The following KIF3A variants were observed in gnomAD, a reference collection of about 807,000 sequenced individuals.
KIF3A encodes the protein kinesin-like protein KIF3A.
KIF3A carries 27 observed loss-of-function variants against 92.6 expected under a neutral mutation model. The ratio of observed to expected loss-of-function variants is 0.29; its 90% CI spans 0.21 to 0.40. KIF3A has a LOEUF of 0.40. Ranked by LOEUF, KIF3A falls within the 10% of genes least tolerant of loss-of-function variation. The pLI, the probability that KIF3A is intolerant of heterozygous loss-of-function variation, is 1.00. For missense variants in KIF3A, 581 were observed against 872.6 expected (o/e 0.67, Z 4.21); for synonymous variants, 250 against 275.4 (o/e 0.91, Z 0.92).
chr5:132,694,832 C>T lies in KIF3A; in HGVS notation c.*1802G>A, dbSNP rs971809182. The T allele has an allele frequency of 6.6e-6, 1 of 152,312 alleles. No individual in the cohort carries two copies. The highest frequency in any genetic ancestry group is 2.4e-5 in the African/African-American group (1 of 41,450). The allele number at this position is 152,312 out of a possible 1,614,324, so 9.4% of individuals were successfully genotyped here. On this transcript the variant is annotated 3_prime_UTR_variant, in exon 19 of 19. Coordinates refer to ENST00000403231, the MANE Select transcript of KIF3A (RefSeq NM_001300791.2). ...AAATTTCTAGCTATCTTACATACCA[C>T]AAACAAATGCAGCCAGTGAAATGCA...
chr5:132,694,694 T>C lies in KIF3A; in HGVS notation c.*1940A>G, dbSNP rs1752774424. The stretch of plus-strand genomic sequence containing the variant: ...TACTAACAGAGTTAAATGTGTATCA[T>C]CAAAAACATTTTATAATTACCAAAA... On this transcript the variant is annotated 3_prime_UTR_variant, in exon 19 of 19. Transcript: ENST00000403231. 6.6e-6 allele frequency: 1 copy of C among 152,356 alleles called. No individual in the cohort carries two copies. The highest frequency in any genetic ancestry group is 6.5e-5 in the Admixed American group (1 of 15,276). The allele number at this position is 152,356 out of a possible 1,614,324, so 9.4% of individuals were successfully genotyped here.
At chr5:132,718,380 G>C (rs1315917845) in intron 5 of KIF3A, among the ~76,000 whole-genome samples, 2 of 152,060 alleles carry the variant, frequency 1.3e-5, no homozygotes, top group Non-Finnish European at 2.9e-5. Flanking sequence ...CACAATCTCG[G>C]CTCACTGCAA....
intron 2 of KIF3A, among the ~76,000 whole-genome samples, chr5:132,731,195 C>G (rs1320936619): frequency 6.6e-6 from 1 of 152,144 alleles, no homozygotes; most frequent in Non-Finnish European, 1.5e-5. Flanking sequence ...AGCATTATCA[C>G]AATACCCAAA....
downstream of KIF3A, chr5:132,692,471 T>G (rs1427857784): frequency 6.6e-6 from 1 of 152,214 alleles, no homozygotes; most frequent in Non-Finnish European, 1.5e-5. Flanking sequence ...TGATTTCTGC[T>G]TAAAAGACCC....
intron 2 of KIF3A, among the ~76,000 whole-genome samples, chr5:132,733,373 C>T (rs535472397): frequency 6.6e-6 from 1 of 152,156 alleles, no homozygotes; most frequent in South Asian, 2.1e-4. Flanking sequence ...ATCCTATTCA[C>T]AATAGCATCA....
chr5:132,691,271 G>A (rs1229236807), downstream of KIF3A, among the ~76,000 whole-genome samples: 1 of 152,190 alleles, frequency 6.6e-6, no homozygotes, highest in Non-Finnish European at 1.5e-5. Context: ...TTTGGGGCTA[G>A]GCACAGTGGC....
chr5:132,722,879 A>T (rs1432088845), intron 4 of KIF3A, among the ~76,000 whole-genome samples: 1 of 152,212 alleles, frequency 6.6e-6, no homozygotes. Flanking sequence ...ATGATTCTAT[A>T]TGCCTCTATT....
chr5:132,697,224 A>C (rs557793339), intron 18 of KIF3A, among the ~76,000 whole-genome samples: 2 of 152,194 alleles, frequency 1.3e-5, no homozygotes, highest in Non-Finnish European at 2.9e-5. Flanking sequence ...TCAATAAACC[A>C]TTTAATGCAT....
Position 132,699,297 on chromosome 5 carries a change from T to C in KIF3A, c.2008-2A>G. Reference sequence around the variant, plus strand: ...GTGAGAAAGGTCCACCTCAAAGGGCTAAGTAAAAGAAACAAACACAAAGCA... The same window carrying C: ...GTGAGAAAGGTCCACCTCAAAGGGCCAAGTAAAAGAAACAAACACAAAGCA... On this transcript the variant is annotated splice_acceptor_variant, in intron 17 of 18. Coordinates refer to ENST00000403231, the MANE Select transcript of KIF3A (RefSeq NM_001300791.2). LOFTEE classifies it high-confidence loss of function. 1 of 1,612,458 alleles carries C rather than the reference T, an allele frequency of 6.2e-7. No individual in the cohort carries two copies. Among genetic ancestry groups the C allele is most frequent in the Non-Finnish European group, 8.5e-7 (1 of 1,179,366 alleles).
At chr5:132,735,228 C>T (rs1425207493) in intron 1 of KIF3A, among the ~76,000 whole-genome samples, 1 of 152,152 alleles carries the variant, frequency 6.6e-6, no homozygotes, top group Non-Finnish European at 1.5e-5. Flanking sequence ...GCGTCCATCA[C>T]CATGCCCAGC....
intron 6 of KIF3A, 61 bp from the exon 7 acceptor site, chr5:132,716,503 C>A (rs568188732): frequency 1.5e-6 from 2 of 1,352,030 alleles, no homozygotes; most frequent in East Asian, 2.3e-5. Flanking sequence ...ATATTCTTCC[C>A]AAGGTTTTAT....
intron 8 of KIF3A, among the ~76,000 whole-genome samples, chr5:132,714,489 C>A (rs957313570): frequency 4.6e-5 from 7 of 152,170 alleles, no homozygotes; most frequent in Admixed American, 3.3e-4. Context: ...TATGGATGAA[C>A]CTTCAACGTT....
intron 18 of KIF3A, chr5:132,697,921 T>A (rs1327681062): frequency 1.8e-4 from 28 of 152,206 alleles, no homozygotes; most frequent in Admixed American, 1.8e-3. Context: ...ACACTTGCAC[T>A]GTCATTTTAT....
Position 132,693,690 on chromosome 5 carries a change from C to T in KIF3A, c.*2944G>A, listed in dbSNP as rs567913810. On this transcript the variant is annotated 3_prime_UTR_variant, in exon 19 of 19. Coordinates refer to ENST00000403231, the MANE Select transcript of KIF3A (RefSeq NM_001300791.2). Reference sequence around the variant, plus strand: ...CCATATTTGCATATAGATATTCAGACCAGGCTTGAGGCCAGGCGTGGTGGC... The same window carrying T: ...CCATATTTGCATATAGATATTCAGATCAGGCTTGAGGCCAGGCGTGGTGGC... 1.3e-5 allele frequency: 2 copies of T among 152,642 alleles called. No homozygotes were observed. The highest frequency in any genetic ancestry group is 4.8e-5 in the African/African-American group (2 of 41,520). The allele number at this position is 152,642 out of a possible 1,614,324, so 9.5% of individuals were successfully genotyped here.
downstream of KIF3A, among the ~76,000 whole-genome samples, chr5:132,690,789 T>C (rs1160102643): frequency 1.3e-5 from 2 of 151,866 alleles, no homozygotes; most frequent in Admixed American, 6.6e-5. Flanking sequence ...TAGCCGGGCG[T>C]GGTGGCACAT....
At chr5:132,702,774 A>G in intron 13 of KIF3A, 106 bp from the exon 14 acceptor site, 2 of 1,280,538 alleles carry the variant, frequency 1.6e-6, no homozygotes, top group East Asian at 4.6e-5. Context: ...CTTCAAAGCA[A>G]TCCATAAATA....
Position 132,726,184 on chromosome 5 carries a change from T to A in KIF3A, c.454A>T (p.Ile152Leu). 1 of 1,612,244 alleles carries A rather than the reference T, an allele frequency of 6.2e-7. No individual in the cohort carries two copies. ...AGGTCACGAACTTCTTCATTATATA[T>A]TTCCAAATAAGACACTCGAACCAAA... ...RFLVRVSYLE[I>L]YNEEVRDLLG... Residue 152 changes from isoleucine (I) to leucine (L), a missense_variant, in exon 4 of 19, where the codon ATA (isoleucine) becomes TTA (leucine). Around this residue, in one of 5 missense-constraint regions of KIF3A, gnomAD observed 217 missense variants for 299.7 expected, o/e 0.72. Coordinates refer to ENST00000403231, the MANE Select transcript of KIF3A (RefSeq NM_001300791.2).
chr5:132,719,770 C>A (rs1753764354), intron 5 of KIF3A, among the ~76,000 whole-genome samples: 1 of 152,104 alleles, frequency 6.6e-6, no homozygotes, highest in African/African-American at 2.4e-5. Flanking sequence ...GTGTGAGCCA[C>A]CGCGACCAGA....
At position 132,712,292 on chromosome 5, in the gene KIF3A, G is replaced by A. The variant is rs75168569; in HGVS notation, c.1130-1235C>T. Among the ~76,000 whole-genome samples the A allele has an allele frequency of 2.2e-4, 33 of 152,266 alleles. No individual in the cohort carries two copies. In the East Asian group the frequency reaches 6.4e-3, roughly 29 times the overall value. On this transcript the variant is annotated intron_variant, in intron 8 of 18. Transcript: ENST00000403231. ...CTAAAACCTTTTGTAGTGCCAAAAA[G>A]TAATCAAATGCTCAAAAAAACTGAT...
Sources: gnomAD v4.1 joint callset for allele counts (sites outside exome capture counted in the v4.1 genomes callset) on GRCh38, gnomAD v4.1.1 for gene constraint, gnomAD v4.1.1 regional missense constraint, MANE v1.5 for transcripts, NCBI Gene and HGNC (gene_info 2026-07-23, HGNC 2026-07-21) for gene names.